The following NRG1 variants were observed in gnomAD, a reference collection of about 807,000 sequenced individuals.
NRG1 encodes the protein neuregulin 1.
In NRG1, 18 loss-of-function variants were observed where a neutral mutation model predicts 63.8. The ratio of observed to expected loss-of-function variants is 0.28; its 90% CI spans 0.19 to 0.42. NRG1 has a LOEUF of 0.42. Among genes scored for constraint, NRG1 ranks in the 10% least tolerant of loss-of-function variants. NRG1 has a pLI of 1.00. For synonymous variants in NRG1, 302 were observed against 301.3 expected, an observed-to-expected ratio of 1.00 and a Z score of -0.02; for missense variants, 762 against 814.7, an observed-to-expected ratio of 0.94 and a Z score of 0.79.
At chr8:32,066,399 A>C (rs1327324408) in intron 1 of NRG1, among the ~76,000 whole-genome samples, 6 of 152,158 alleles carry the variant, frequency 3.9e-5, no homozygotes, top group Admixed American at 1.3e-4. Flanking sequence ...TCAGCTTTTT[A>C]CATATGGCTA....
At chr8:32,139,184 T>A (rs556813870) in intron 1 of NRG1, 8 of 152,238 alleles carry the variant, frequency 5.3e-5, no homozygotes, top group Non-Finnish European at 1.2e-4. Flanking sequence ...TGGTATGAAA[T>A]CTTTCTTCTT....
At chr8:31,763,906 C>T (rs1390183802) in intron 1 of NRG1, among the ~76,000 whole-genome samples, 5 of 151,078 alleles carry the variant, frequency 3.3e-5, no homozygotes, top group Admixed American at 1.3e-4. Context: ...GCCAAGATCG[C>T]GCCACCACAC....
intron 1 of NRG1, among the ~76,000 whole-genome samples, chr8:31,998,785 T>G (rs1459163968): frequency 6.6e-6 from 1 of 152,032 alleles, no homozygotes; most frequent in Non-Finnish European, 1.5e-5. Flanking sequence ...GTGTCTTCCC[T>G]GTCCCAAAGA....
At position 32,095,086 on chromosome 8, in the gene NRG1, A is replaced by G. The variant is rs111251306; in HGVS notation, c.37+455655A>G. ...GCCATCATGCCCAGCTAATTTTTGTATTTTTAGTAGAGACAGGGTTTCACC... is the reference window on the plus strand; with the variant it reads ...GCCATCATGCCCAGCTAATTTTTGTGTTTTTAGTAGAGACAGGGTTTCACC... On this transcript the variant is annotated intron_variant, in intron 1 of 10. Transcript: ENST00000519301. Among the ~76,000 whole-genome samples the G allele has an allele frequency of 7.2e-5, 11 of 152,040 alleles. 1 individual carries two copies. Among genetic ancestry groups the G allele is most frequent in the African/African-American group, 2.7e-4 (11 of 41,472 alleles).
At chr8:32,364,553 T>C (rs1199134824) in intron 1 of NRG1, among the ~76,000 whole-genome samples, 1 of 152,188 alleles carries the variant, frequency 6.6e-6, no homozygotes, top group Middle Eastern at 3.2e-3. Flanking sequence ...TTTAATGCAC[T>C]GTAATTTATG....
chr8:31,671,627 G>T (rs978742030), intron 1 of NRG1, among the ~76,000 whole-genome samples: 3 of 152,202 alleles, frequency 2.0e-5, no homozygotes, highest in Admixed American at 1.3e-4. Flanking sequence ...GTTTTAGCCA[G>T]TAGATTTATA....
chr8:32,596,341 C>T (rs1344570905), intron 2 of NRG1, among the ~76,000 whole-genome samples: 1 of 152,084 alleles, frequency 6.6e-6, no homozygotes, highest in South Asian at 2.1e-4. Flanking sequence ...TGGTGGCTCA[C>T]AACTGTAATC....
chr8:32,645,219 A>G lies in NRG1; in HGVS notation c.502+28334A>G, dbSNP rs1853261174. 4.6e-5 allele frequency among the ~76,000 whole-genome samples: 7 copies of G among 152,210 alleles called. No individual in the cohort carries two copies. In the South Asian group the frequency reaches 1.4e-3, roughly 32 times the overall value. On this transcript the variant is annotated intron_variant, in intron 5 of 11. Transcript: ENST00000356819. ...AAATGCTTCAATAGATGTTTTCTACACCGTGAAATTGTATGTCCTTTGCTA... is the reference window on the plus strand; with the variant it reads ...AAATGCTTCAATAGATGTTTTCTACGCCGTGAAATTGTATGTCCTTTGCTA...
intron 1 of NRG1, among the ~76,000 whole-genome samples, chr8:32,248,363 A>G (rs1848785398): frequency 6.6e-6 from 1 of 152,090 alleles, no homozygotes; most frequent in African/African-American, 2.4e-5. Context: ...TTTAATAGCC[A>G]TGCATATTAT....
chr8:31,662,575 T>G (rs1347252366), intron 1 of NRG1, among the ~76,000 whole-genome samples: 1 of 152,212 alleles, frequency 6.6e-6, no homozygotes, highest in African/African-American at 2.4e-5. Flanking sequence ...TGAGTATCTT[T>G]CATGTTCCAG....
chr8:32,149,774 T>G (rs1837296647), intron 1 of NRG1, among the ~76,000 whole-genome samples: 1 of 152,206 alleles, frequency 6.6e-6, no homozygotes, highest in African/African-American at 2.4e-5. Context: ...TTCAGCCAGT[T>G]GCAATAGCTT....
rs114168688 is a variant in NRG1 at position 32,538,251 on chromosome 8, T to G, written c.38-57577T>G. ...CAGGCACCCTCTGAGAGGGAGCCTA[T>G]CTCAAGCAATCAAAAAATATCAACT... On this transcript the variant is annotated intron_variant, in intron 1 of 10. Transcript: ENST00000519301. Among the ~76,000 whole-genome samples the G allele has an allele frequency of 2.9e-3, 434 of 152,248 alleles. 3 individuals are homozygous for G. The highest frequency in any genetic ancestry group is 0.01 in the African/African-American group (418 of 41,538).
chr8:32,176,095 AACCAAAACAGCATGGTACTGAT>A (rs1213028143), intron 1 of NRG1, among the ~76,000 whole-genome samples: 1 of 152,238 alleles, frequency 6.6e-6, no homozygotes, highest in East Asian at 1.9e-4. Context: ...AGGCTACAGT[AACCAAAACAGCATGGTACTGAT>A]ACCAAAACAG....
chr8:32,366,292 T>C (rs553371429), intron 1 of NRG1, among the ~76,000 whole-genome samples: 1 of 152,258 alleles, frequency 6.6e-6, no homozygotes, highest in South Asian at 2.1e-4. Context: ...TAGAGCTTGT[T>C]CCTTCTGTCT....
At chr8:31,836,124 A>C (rs970054285) in intron 1 of NRG1, among the ~76,000 whole-genome samples, 1 of 152,154 alleles carries the variant, frequency 6.6e-6, no homozygotes, top group Non-Finnish European at 1.5e-5. Flanking sequence ...CAGAGCATGA[A>C]AAGGAGTAAA....
At chr8:32,170,583 T>G (rs1005496477) in intron 1 of NRG1, among the ~76,000 whole-genome samples, 8 of 152,192 alleles carry the variant, frequency 5.3e-5, no homozygotes, top group Non-Finnish European at 1.0e-4. Flanking sequence ...CCTAAAATTC[T>G]TTTTAAATGC....
At chr8:32,571,586 T>TTTTTG (rs1332584175) in intron 1 of NRG1, among the ~76,000 whole-genome samples, 1 of 152,150 alleles carries the variant, frequency 6.6e-6, no homozygotes, top group Non-Finnish European at 1.5e-5. Flanking sequence ...AGAAGCTAGT[T>TTTTTG]TTTTGTTTTG....
At position 31,791,112 on chromosome 8, in the gene NRG1, G is replaced by A. The variant is rs759628145; in HGVS notation, c.37+151681G>A. Among the ~76,000 whole-genome samples the A allele has an allele frequency of 6.6e-5, 10 of 151,836 alleles. 1 individual carries two copies. The South Asian group carries it at 8.3e-4, about 13-fold the overall frequency. ...TAGTCCCAGCTACCGGGAAGGCTGA[G>A]GCGCAAGAATCCATTGAGCCTGGGA... On this transcript the variant is annotated intron_variant, in intron 1 of 10. Coordinates refer to the NRG1 transcript ENST00000519301.
chr8:32,050,881 G>A (rs897209374), intron 1 of NRG1, among the ~76,000 whole-genome samples: 1 of 152,152 alleles, frequency 6.6e-6, no homozygotes, highest in South Asian at 2.1e-4. Context: ...TTGTGGGAAA[G>A]TAGAAAGTAT....
Sources: gnomAD v4.1 joint callset for allele counts (sites outside exome capture counted in the v4.1 genomes callset) on GRCh38, gnomAD v4.1.1 for gene constraint, MANE v1.5 for transcripts, NCBI Gene and HGNC (gene_info 2026-07-23, HGNC 2026-07-21) for gene names.